Variants in HEPACAM2 observed in about 807,000 individuals in gnomAD.
The protein encoded by HEPACAM2 is HEPACAM family member 2, also known as mitotic kinetics regulator.
In HEPACAM2, 49 loss-of-function variants were observed where a neutral mutation model predicts 49.6. The ratio of observed to expected loss-of-function variants is 0.99; its 90% CI spans 0.78 to 1.25. HEPACAM2 has a LOEUF of 1.25. HEPACAM2 is among the 50% of genes most tolerant of loss of function. The pLI is 0.00. For synonymous variants in HEPACAM2, 197 were observed against 202.9 expected (o/e 0.97, Z 0.25); for missense variants, 525 against 557.2 (o/e 0.94, Z 0.58).
At chr7:93,209,355 A>G (rs1202295657) in intron 3 of HEPACAM2, among the ~76,000 whole-genome samples, 1 of 151,964 alleles carries the variant, frequency 6.6e-6, no homozygotes, top group Non-Finnish European at 1.5e-5. Context: ...ACATGTTTTG[A>G]TACATGTATA....
chr7:93,189,312 T>C (rs375724719), intron 9 of HEPACAM2, 42 bp from the exon 10 acceptor site: 16 of 1,495,026 alleles, frequency 1.1e-5, no homozygotes, highest in African/African-American at 2.8e-5. Flanking sequence ...GTTCTATAGA[T>C]TTTTCAGGTC....
chr7:93,193,346 G>C (rs1793604624), intron 8 of HEPACAM2, among the ~76,000 whole-genome samples: 1 of 152,078 alleles, frequency 6.6e-6, no homozygotes, highest in Non-Finnish European at 1.5e-5. Context: ...GGAAATTTTG[G>C]TTTACGATCT....
At chr7:93,204,996 G>T (rs1444386091) in intron 4 of HEPACAM2, among the ~76,000 whole-genome samples, 3 of 151,740 alleles carry the variant, frequency 2.0e-5, no homozygotes, top group Non-Finnish European at 4.4e-5. Flanking sequence ...GCTACTTGGG[G>T]GACTGAGGCA....
In HEPACAM2 at chr7:93,189,200, T is replaced by C. The variant is rs964428701; in HGVS notation, c.*67A>G. On this transcript the variant is annotated 3_prime_UTR_variant, in exon 10 of 10. Coordinates refer to ENST00000394468, the MANE Select transcript of HEPACAM2 (RefSeq NM_001039372.4). ...CACTGATTCCAGATTAATATACTTT[T>C]CCACTGTTTTTCCTTAAAATGTTTC... 19 of 1,372,590 alleles carry C rather than the reference T, an allele frequency of 1.4e-5. No individual in the cohort carries two copies. The highest frequency in any genetic ancestry group is 2.0e-5 in the Non-Finnish European group (19 of 969,022). The allele number at this position is 1,372,590 out of a possible 1,614,324, so 85.0% of individuals were successfully genotyped here.
chr7:93,226,004 G>T, intron 1 of HEPACAM2: 1 of 827,766 alleles, frequency 1.2e-6, no homozygotes, highest in Non-Finnish European at 1.8e-6. Flanking sequence ...TTCACTCTAA[G>T]TGGTCACAAT....
intron 1 of HEPACAM2, among the ~76,000 whole-genome samples, chr7:93,225,453 G>T (rs1794521872): frequency 6.6e-6 from 1 of 152,066 alleles, no homozygotes; most frequent in South Asian, 2.1e-4. Context: ...CATTTACAAT[G>T]CAAACTTTAA....
intron 8 of HEPACAM2, among the ~76,000 whole-genome samples, chr7:93,193,790 C>T (rs1369291333): frequency 6.6e-6 from 1 of 152,108 alleles, no homozygotes; most frequent in African/African-American, 2.4e-5. Context: ...TATTTCCCTT[C>T]TCAAGTTCAG....
In HEPACAM2 at chr7:93,226,421, G is replaced by A; in HGVS notation, c.26C>T (p.Pro9Leu). 8.7e-6 allele frequency: 14 copies of A among 1,613,558 alleles called. No homozygotes were observed. Among genetic ancestry groups the A allele is most frequent in the Non-Finnish European group, 1.2e-5 (14 of 1,179,660 alleles). The change falls in exon 1 of 10, where the codon CCC (proline) becomes CTC (leucine). Residue 9 changes from proline to leucine, a missense_variant. Pro to Leu is a moderately conservative substitution (Grantham distance 98). Coordinates refer to ENST00000394468, the MANE Select transcript of HEPACAM2 (RefSeq NM_001039372.4). ...AAAGACCCCAAGTGTGTCACCGAAGGGCTCCATGAAAGCATCCTGTCCCAT... is the reference window on the plus strand; with the variant it reads ...AAAGACCCCAAGTGTGTCACCGAAGAGCTCCATGAAAGCATCCTGTCCCAT... MGQDAFME[P>L]FGDTLGVFQC...
At chr7:93,203,500 C>T (rs967323168) in intron 4 of HEPACAM2, among the ~76,000 whole-genome samples, 1 of 152,062 alleles carries the variant, frequency 6.6e-6, no homozygotes, top group African/African-American at 2.4e-5. Context: ...GTTCTGGACA[C>T]CTGCAGGAGC....
intron 1 of HEPACAM2, chr7:93,219,706 T>C: frequency 1.9e-6 from 1 of 534,970 alleles, no homozygotes; most frequent in East Asian, 3.1e-5. Context: ...TTTTCTACGA[T>C]TGCTACGGAA....
At chr7:93,204,462 A>T (rs1793978446) in intron 4 of HEPACAM2, among the ~76,000 whole-genome samples, 1 of 152,146 alleles carries the variant, frequency 6.6e-6, no homozygotes, top group Non-Finnish European at 1.5e-5. Flanking sequence ...TCTGCATTCA[A>T]GGAAGTCCGT....
Position 93,207,288 on chromosome 7 carries a change from G to C in HEPACAM2, c.1012+1292C>G, listed in dbSNP as rs956811540. Among the ~76,000 whole-genome samples, 26 of 152,092 alleles carry C rather than the reference G, an allele frequency of 1.7e-4. 1 individual carries two copies. The highest frequency in any genetic ancestry group is 7.4e-5 in the Non-Finnish European group (5 of 67,976). On this transcript the variant is annotated intron_variant, in intron 4 of 9. Coordinates refer to ENST00000394468, the MANE Select transcript of HEPACAM2 (RefSeq NM_001039372.4). ...AATGAGTAGTAGCTTTTATAAACTT[G>C]TTCTTCCACCAGTCATAGGTACCTT...
At chr7:93,213,125 A>G (rs1397560561) in intron 3 of HEPACAM2, among the ~76,000 whole-genome samples, 1 of 151,880 alleles carries the variant, frequency 6.6e-6, no homozygotes, top group Non-Finnish European at 1.5e-5. Flanking sequence ...TTTACTGTGA[A>G]TGACCTTTTT....
chr7:93,219,502 T>C (rs371594356), intron 1 of HEPACAM2, 51 bp from the exon 2 acceptor site: 1 of 1,609,364 alleles, frequency 6.2e-7, no homozygotes, highest in Non-Finnish European at 8.5e-7. Context: ...CATTTCACAA[T>C]CTAAAGGGGC....
chr7:93,210,129 T>C (rs915342338), intron 3 of HEPACAM2, among the ~76,000 whole-genome samples: 6 of 151,966 alleles, frequency 3.9e-5, no homozygotes, highest in Non-Finnish European at 8.8e-5. Flanking sequence ...TTCTCCTAGA[T>C]AGGTTTTCTC....
the HEPACAM2 span, among the ~76,000 whole-genome samples, chr7:93,231,584 T>G: frequency 6.6e-6 from 1 of 152,188 alleles, no homozygotes; most frequent in African/African-American, 2.4e-5. Flanking sequence ...GGCTGCTTTT[T>G]CTTCTTCTTC....
intron 3 of HEPACAM2, 96 bp downstream of exon 3, chr7:93,215,305 A>G: frequency 1.7e-6 from 2 of 1,174,330 alleles, no homozygotes; most frequent in African/African-American, 1.6e-5. Flanking sequence ...AAAAAGCCAA[A>G]TGACATCTGG....
chr7:93,215,519 G>T lies in HEPACAM2; in HGVS notation c.597C>A (p.Pro199=). The stretch of plus-strand genomic sequence containing the variant: ...GAGCAATATGAAGGGTATTGTTTTG[G>T]GGAGAAAAGGAGTAGGTGGAGCTGG... ...VHTSSTYSFS[P]QNNTLHIAPV... The change falls in exon 3 of 10, where the codon CCC becomes CCA. Residue 199 remains proline (P), a synonymous_variant. Transcript: ENST00000394468. 2 of 1,613,794 alleles carry T rather than the reference G, an allele frequency of 1.2e-6. No homozygotes were observed. The highest frequency in any genetic ancestry group is 1.7e-6 in the Non-Finnish European group (2 of 1,179,830).
chr7:93,198,567 A>C (rs1793794549), intron 4 of HEPACAM2, among the ~76,000 whole-genome samples: 1 of 152,158 alleles, frequency 6.6e-6, no homozygotes, highest in Non-Finnish European at 1.5e-5. Context: ...ATATAATAGG[A>C]AGTAGTTTTA....
Sources: gnomAD v4.1 joint callset for allele counts (sites outside exome capture counted in the v4.1 genomes callset) on GRCh38, gnomAD v4.1.1 for gene constraint, MANE v1.5 for transcripts, NCBI Gene and HGNC (gene_info 2026-07-23, HGNC 2026-07-21) for gene names.